Variants in SNX20 observed in about 807,000 individuals in gnomAD.
The protein encoded by SNX20 is sorting nexin 20.
A neutral mutation model predicts 24.5 loss-of-function variants in SNX20; 21 were observed. The observed-to-expected ratio is 0.86, with a 90% CI of 0.61 to 1.23. The LOEUF is 1.23. SNX20 is among the 50% of genes most tolerant of loss of function. SNX20 has a pLI of 0.00. For missense variants in SNX20, 433 were observed against 430.8 expected, an observed-to-expected ratio of 1.00 and a Z score of -0.04; for synonymous variants, 206 against 192.8, an observed-to-expected ratio of 1.07 and a Z score of -0.57.
Position 50,673,791 on chromosome 16 carries a change from A to G in SNX20, c.566T>C (p.Leu189Pro). ...CCGCAGGCAGCCGAAAGCCTCGCGC[A>G]GCTCCGGCCGCGTGAGGAAGTCCAG... is the stretch of plus-strand genomic sequence containing the variant. Reference protein sequence around the residue: ...EFLDFLTRPELREAFGCLRAG... With the variant: ...EFLDFLTRPEPREAFGCLRAG... The change falls in exon 4 of 4, where the codon CTG becomes CCG. Residue 189 changes from leucine to proline, a missense_variant. By Grantham distance (98) the Leu-to-Pro change is moderately conservative (BLOSUM62 -3). Coordinates refer to ENST00000330943, the MANE Select transcript of SNX20 (RefSeq NM_182854.4). This position sits in a 1 kb window ranked among gnomAD's most constrained non-coding sequence, Gnocchi z 4.1. The G allele has an allele frequency of 6.4e-7, 1 of 1,572,556 alleles. No individual in the cohort carries two copies. Among genetic ancestry groups the G allele is most frequent in the Non-Finnish European group, 8.6e-7 (1 of 1,165,810 alleles).
chr16:50,675,434 GA>G (rs1174392120), intron 3 of SNX20, among the ~76,000 whole-genome samples: 5 of 152,172 alleles, frequency 3.3e-5, no homozygotes, highest in East Asian at 1.9e-4. Flanking sequence ...CCAATTTAAA[GA>G]AAAAAATAAG....
chr16:50,675,993 C>G, intron 2 of SNX20, 72 bp from the exon 3 acceptor site: 1 of 1,465,558 alleles, frequency 6.8e-7, no homozygotes, highest in Non-Finnish European at 9.0e-7. Context: ...GGGGAGATGG[C>G]TGGGTCTATC....
downstream of SNX20, chr16:50,669,074 G>A (rs1242170041): frequency 1.3e-6 from 2 of 1,551,556 alleles, no homozygotes; most frequent in African/African-American, 1.4e-5. Flanking sequence ...GACATCTCGG[G>A]TCTGGTTCTG....
At chr16:50,677,104 A>G (rs973944234) in intron 2 of SNX20, among the ~76,000 whole-genome samples, 3 of 152,190 alleles carry the variant, frequency 2.0e-5, no homozygotes, top group Non-Finnish European at 2.9e-5. Flanking sequence ...AGGGTCTCCC[A>G]GAAGACCCCC....
rs199803772 is a variant in SNX20 at position 50,675,880 on chromosome 16, G to A, written c.172C>T (p.Arg58Trp). ...TTCTGCCAGTACTGCTGAAGCTCCC[G>A]CGTGGTCATGCTGGAGTTGGAGCTC... ...GLSSNSSMTT[R>W]ELQQYWQNQK... Residue 58 changes from arginine to tryptophan, a missense_variant, in exon 3 of 4, where the codon CGG (arginine) becomes TGG (tryptophan). By Grantham distance (101) the Arg-to-Trp change is moderately radical (BLOSUM62 -3). Coordinates refer to ENST00000330943, the MANE Select transcript of SNX20 (RefSeq NM_182854.4). 4.5e-5 allele frequency: 73 copies of A among 1,612,092 alleles called. No homozygotes were observed. Among genetic ancestry groups the A allele is most frequent in the Middle Eastern group, 1.7e-4 (1 of 6,044 alleles).
chr16:50,680,441 G>A (rs992396052), intron 1 of SNX20, among the ~76,000 whole-genome samples: 1 of 152,150 alleles, frequency 6.6e-6, no homozygotes. Context: ...AGCCGTGTGT[G>A]CACAGACAGT....
chr16:50,679,661 T>C lies in SNX20; in HGVS notation c.-10+1529A>G, dbSNP rs141107016. The stretch of plus-strand genomic sequence containing the variant: ...AACCGTGTGTCCTTAAGCAAGTGCT[T>C]TAATATCTCTAGGCTTCAGTTTCCC... On this transcript the variant is annotated intron_variant, in intron 1 of 3. Coordinates refer to ENST00000330943, the MANE Select transcript of SNX20 (RefSeq NM_182854.4). Among the ~76,000 whole-genome samples the C allele has an allele frequency of 1.3e-3, 200 of 152,306 alleles. 1 individual carries two copies. The highest frequency in any genetic ancestry group is 2.3e-3 in the Non-Finnish European group (157 of 68,010).
At chr16:50,678,059 A>T (rs1473300444) in intron 1 of SNX20, among the ~76,000 whole-genome samples, 1 of 151,826 alleles carries the variant, frequency 6.6e-6, no homozygotes, top group African/African-American at 2.4e-5. Context: ...ATAAAAAAAA[A>T]TTATCCAGGA....
chr16:50,680,582 A>G (rs1180904014), intron 1 of SNX20, among the ~76,000 whole-genome samples: 2 of 152,098 alleles, frequency 1.3e-5, no homozygotes, highest in Non-Finnish European at 1.5e-5. Flanking sequence ...AGGACTTTTC[A>G]TGGGGGATGA....
chr16:50,675,801 C>A lies in SNX20; in HGVS notation c.251G>T (p.Arg84Leu), dbSNP rs374083973. 6.8e-6 allele frequency: 11 copies of A among 1,613,202 alleles called. 1 individual carries two copies. Among genetic ancestry groups the A allele is most frequent in the South Asian group, 5.5e-5 (5 of 90,930 alleles). Residue 84 changes from arginine (R) to leucine (L), a missense_variant, in exon 3 of 4, where the codon CGC becomes CTC. Arg to Leu is a moderately radical substitution (Grantham distance 102). Coordinates refer to ENST00000330943, the MANE Select transcript of SNX20 (RefSeq NM_182854.4). ...VKLLFEIASA[R>L]IEERKVSKFV... ...CTTAGAGACTTTTCTCTCCTCGATG[C>A]GAGCTGAAGCGATCTCAAAGAGCAG...
chr16:50,674,481 C>A (rs1212844013), intron 3 of SNX20, among the ~76,000 whole-genome samples: 1 of 152,070 alleles, frequency 6.6e-6, no homozygotes, highest in Non-Finnish European at 1.5e-5. Context: ...CTCCTGGGCT[C>A]AAGCGATCCT....
chr16:50,677,492 C>G lies in SNX20; in HGVS notation c.35G>C (p.Cys12Ser), dbSNP rs755253710. Residue 12 changes from cysteine to serine, a missense_variant, in exon 2 of 4, where the codon TGC becomes TCC. Coordinates refer to ENST00000330943, the MANE Select transcript of SNX20 (RefSeq NM_182854.4). Reference protein sequence around the residue: ...ASPEHPGSPGCMGPITQCTAR... With the variant: ...ASPEHPGSPGSMGPITQCTAR... ...CGTGCACTGGGTTATGGGTCCCATGCAGCCAGGGCTCCCAGGGTGCTCTGG... is the reference window on the plus strand; with the variant it reads ...CGTGCACTGGGTTATGGGTCCCATGGAGCCAGGGCTCCCAGGGTGCTCTGG... The G allele has an allele frequency of 6.2e-7, 1 of 1,605,964 alleles. No homozygotes were observed. Among genetic ancestry groups the G allele is most frequent in the African/African-American group, 1.3e-5 (1 of 74,586 alleles).
chr16:50,674,230 TTTA>T (rs753605304), intron 3 of SNX20, among the ~76,000 whole-genome samples, 156 bp from the exon 4 acceptor site: 73 of 87,556 alleles, frequency 8.3e-4, no homozygotes, highest in Non-Finnish European at 1.4e-3. Flanking sequence ...TGTTTGTTTG[TTTA>T]TTTATTTATT....
intron 3 of SNX20, among the ~76,000 whole-genome samples, chr16:50,675,144 G>A (rs1346646258): frequency 6.6e-6 from 1 of 152,224 alleles, no homozygotes; most frequent in East Asian, 1.9e-4. Flanking sequence ...GGTAAGTGAA[G>A]GAGAAGGATG....
downstream of SNX20, chr16:50,668,580 T>TA: frequency 6.9e-6 from 7 of 1,014,378 alleles, no homozygotes; most frequent in Non-Finnish European, 8.3e-6. Context: ...AAACAGCTGG[T>TA]GATTGATAGA....
Position 50,674,025 on chromosome 16 carries a change from G to A in SNX20, c.332C>T (p.Ala111Val). 1 of 1,609,892 alleles carries A rather than the reference G, an allele frequency of 6.2e-7. No homozygotes were observed. The highest frequency in any genetic ancestry group is 8.5e-7 in the Non-Finnish European group (1 of 1,178,100). ...IQTGSFDNNK[A>V]VLERRYSDFA... is the part of the protein sequence containing the mutation. ...GTCGGAATAGCGCCGTTCCAGGACG[G>A]CCTTGTTGTTGTCAAAGCTCCCAGT... The change falls in exon 4 of 4, where the codon GCC (alanine) becomes GTC (valine). Residue 111 changes from alanine to valine, a missense_variant. Ala to Val is a moderately conservative substitution (Grantham distance 64). Coordinates refer to ENST00000330943, the MANE Select transcript of SNX20 (RefSeq NM_182854.4).
intron 1 of SNX20, among the ~76,000 whole-genome samples, 181 bp from the exon 2 acceptor site, chr16:50,677,716 G>A (rs1269006624): frequency 6.6e-6 from 1 of 152,190 alleles, no homozygotes; most frequent in Non-Finnish European, 1.5e-5. Flanking sequence ...CTGCCCCTTT[G>A]CTGGGCAGGT....
chr16:50,669,090 G>C (rs747117597), downstream of SNX20: 37 of 1,548,476 alleles, frequency 2.4e-5, no homozygotes, highest in Non-Finnish European at 2.8e-5. Flanking sequence ...TTCTGGTGCT[G>C]TCCCTGTCTC....
rs1352883596 is a variant in SNX20 at position 50,673,326 on chromosome 16, A to T, written c.*80T>A. 2.9e-6 allele frequency: 4 copies of T among 1,390,732 alleles called. No homozygotes were observed. In the African/African-American group the frequency reaches 4.5e-5, roughly 16 times the overall value. 86.1% of individuals were successfully genotyped at this position (1,390,732 alleles called of 1,614,324 possible). Reference sequence around the variant, plus strand: ...ATAACAAAAAAGAAAAGGAAAAATAAAAAAAAAGAACCCCAAACAGCCCAC... The same window carrying T: ...ATAACAAAAAAGAAAAGGAAAAATATAAAAAAAGAACCCCAAACAGCCCAC... On this transcript the variant is annotated 3_prime_UTR_variant, in exon 4 of 4. Coordinates refer to ENST00000330943, the MANE Select transcript of SNX20 (RefSeq NM_182854.4). The surrounding 1 kb of genome is among the most constrained non-coding windows in gnomAD (Gnocchi z 4.1).
Sources: allele counts gnomAD v4.1 joint callset (sites outside exome capture counted in the v4.1 genomes callset), GRCh38; gene constraint gnomAD v4.1.1; non-coding constraint Gnocchi (gnomAD v3.1); transcripts MANE v1.5; gene names NCBI Gene and HGNC (gene_info 2026-07-23, HGNC 2026-07-21).